PRUNE2: variants seen among roughly 807,000 people sequenced by gnomAD.
The protein encoded by PRUNE2 is protein prune homolog 2.
A neutral mutation model predicts 252.0 loss-of-function variants in PRUNE2; 164 were observed. The observed-to-expected ratio is 0.65, with a 90% confidence interval of 0.57 to 0.74. The LOEUF is 0.74. PRUNE2 is among the 30% of genes least tolerant of loss of function. PRUNE2 has a pLI of 0.00. For missense variants in PRUNE2, 3,495 were observed against 3,711.0 expected, an observed-to-expected ratio of 0.94 and a Z score of 1.51; for synonymous variants, 1,292 against 1,350.2, an observed-to-expected ratio of 0.96 and a Z score of 0.94.
chr9:76,650,232 T>C (rs1228446341), intron 11 of PRUNE2, among the ~76,000 whole-genome samples: 3 of 150,418 alleles, frequency 2.0e-5, no homozygotes, highest in South Asian at 2.1e-4. Context: ...TATAATGAGG[T>C]ATATAATATA....
intron 6 of PRUNE2, among the ~76,000 whole-genome samples, chr9:76,797,179 T>G (rs992446838): frequency 6.6e-6 from 1 of 152,194 alleles, no homozygotes. Context: ...TTAAAAATAG[T>G]AATAGGAATT....
chr9:76,785,311 CAT>C (rs1386246424), intron 6 of PRUNE2: 4 of 152,178 alleles, frequency 2.6e-5, no homozygotes, highest in African/African-American at 9.7e-5. Flanking sequence ...TTCATCATCA[CAT>C]GAGACAGCAA....
chr9:76,872,636 CA>C (rs1229838946), intron 1 of PRUNE2, among the ~76,000 whole-genome samples: 1 of 151,674 alleles, frequency 6.6e-6, no homozygotes, highest in African/African-American at 2.4e-5. Flanking sequence ...CACACACACA[CA>C]CACACACCCT....
chr9:76,828,861 C>CA (rs1383730489), intron 4 of PRUNE2, among the ~76,000 whole-genome samples: 12 of 151,722 alleles, frequency 7.9e-5, no homozygotes, highest in African/African-American at 1.5e-4. Context: ...ACTAAAAATA[C>CA]AAAAAATGAG....
intron 6 of PRUNE2, among the ~76,000 whole-genome samples, chr9:76,793,939 C>A (rs545810972): frequency 6.6e-6 from 1 of 152,192 alleles, no homozygotes; most frequent in East Asian, 1.9e-4. Flanking sequence ...TTCAAAAAGG[C>A]GTGGGCTATA....
At chr9:76,631,643 A>G (rs910303501) in intron 15 of PRUNE2, among the ~76,000 whole-genome samples, 2 of 152,190 alleles carry the variant, frequency 1.3e-5, no homozygotes, top group Non-Finnish European at 2.9e-5. Context: ...TGATTTCCCA[A>G]TCCAGTGCTT....
At chr9:76,841,135 C>T (rs896780908) in intron 4 of PRUNE2, among the ~76,000 whole-genome samples, 5 of 152,124 alleles carry the variant, frequency 3.3e-5, no homozygotes, top group African/African-American at 1.2e-4. Context: ...ACTGGTTAGA[C>T]ATTGGGACTG....
intron 6 of PRUNE2, chr9:76,788,421 G>T: frequency 1.3e-6 from 1 of 760,822 alleles, no homozygotes. Flanking sequence ...AACTTCTTAA[G>T]GTGCACTGTA....
At chr9:76,851,409 A>G (rs898724325) in intron 2 of PRUNE2, among the ~76,000 whole-genome samples, 31 of 152,150 alleles carry the variant, frequency 2.0e-4, no homozygotes, top group Admixed American at 5.9e-4. Flanking sequence ...TTAGCCGGGC[A>G]TGGTGGCAGG....
intron 6 of PRUNE2, among the ~76,000 whole-genome samples, chr9:76,733,880 A>C (rs1259599695): frequency 6.6e-6 from 1 of 152,036 alleles, no homozygotes; most frequent in Non-Finnish European, 1.5e-5. Flanking sequence ...TTGTGATCCA[A>C]AAAGATTTTT....
chr9:76,643,072 T>A (rs1843239495), intron 12 of PRUNE2, among the ~76,000 whole-genome samples: 1 of 152,174 alleles, frequency 6.6e-6, no homozygotes, highest in African/African-American at 2.4e-5. Flanking sequence ...AGGTGAATTG[T>A]TACAAGACTG....
chr9:76,694,091 A>C (rs1160564351), intron 9 of PRUNE2, among the ~76,000 whole-genome samples: 4 of 152,218 alleles, frequency 2.6e-5, no homozygotes, highest in African/African-American at 9.6e-5. Flanking sequence ...GGCTCATTAG[A>C]AGGGGCTTCC....
intron 4 of PRUNE2, among the ~76,000 whole-genome samples, chr9:76,838,349 C>T (rs2059180906): frequency 6.6e-6 from 1 of 151,904 alleles, no homozygotes; most frequent in South Asian, 2.1e-4. Context: ...ATATATCATA[C>T]AAATGCAGGC....
chr9:76,682,831 AT>A (rs1185298844), intron 9 of PRUNE2, among the ~76,000 whole-genome samples: 1 of 101,162 alleles, frequency 9.9e-6, no homozygotes, highest in Admixed American at 9.7e-5. Flanking sequence ...ATGCTAAAAA[AT>A]ATTCAAATTT....
intron 6 of PRUNE2, among the ~76,000 whole-genome samples, chr9:76,806,902 A>C (rs2056983658): frequency 6.6e-6 from 1 of 152,008 alleles, no homozygotes; most frequent in Admixed American, 6.6e-5. Flanking sequence ...GTATGATGCC[A>C]TTTCAAAGAC....
In PRUNE2 at chr9:76,757,378, A is replaced by G. The variant is rs368986473; in HGVS notation, c.757-43657T>C. On this transcript the variant is annotated intron_variant, in intron 6 of 18. Coordinates refer to ENST00000376718, the MANE Select transcript of PRUNE2 (RefSeq NM_015225.3). ...CTGTCAACTGGCAAACTCAAAGAGA[A>G]GCTTTTTTTGATTGCTTGGCTGCAT... 4.6e-5 allele frequency among the ~76,000 whole-genome samples: 7 copies of G among 152,370 alleles called. No individual in the cohort carries two copies. The East Asian group carries it at 1.3e-3, about 29-fold the overall frequency.
At chr9:76,717,781 G>T (rs2047286994) in intron 6 of PRUNE2, among the ~76,000 whole-genome samples, 1 of 152,154 alleles carries the variant, frequency 6.6e-6, no homozygotes, top group South Asian at 2.1e-4. Context: ...CTGGGAATTG[G>T]CTGGCAAAAT....
intron 1 of PRUNE2, among the ~76,000 whole-genome samples, chr9:76,864,509 A>T (rs991958274): frequency 6.6e-6 from 1 of 152,196 alleles, no homozygotes; most frequent in Non-Finnish European, 1.5e-5. Context: ...AAGGTGTCAA[A>T]CAGTTCATTA....
At chr9:76,739,795 TTAAC>T (rs1161392876) in intron 6 of PRUNE2, 2 of 152,162 alleles carry the variant, frequency 1.3e-5, no homozygotes, top group Non-Finnish European at 2.9e-5. Context: ...CAATAAAATG[TTAAC>T]TATCCACCAG....
Sources: allele counts gnomAD v4.1 joint callset (sites outside exome capture counted in the v4.1 genomes callset), GRCh38; gene constraint gnomAD v4.1.1; transcripts MANE v1.5; gene names NCBI Gene and HGNC (gene_info 2026-07-23, HGNC 2026-07-21).